PHF24: variants seen among roughly 807,000 people sequenced by gnomAD.
PHF24 encodes PHD finger protein 24.
In PHF24, 25 loss-of-function variants were observed where a neutral mutation model predicts 42.6. That is an observed-to-expected ratio of 0.59 (90% CI 0.43 to 0.82). The LOEUF (loss-of-function observed/expected upper bound fraction) is 0.82, where lower values mean the gene tolerates loss of function less well. Among genes scored for constraint, PHF24 ranks in the 40% least tolerant of loss-of-function variants. PHF24 has a pLI of 0.00. For missense variants in PHF24, 470 were observed against 538.1 expected, an observed-to-expected ratio of 0.87 and a Z score of 1.25; for synonymous variants, 185 against 204.8, an observed-to-expected ratio of 0.90 and a Z score of 0.83.
the PHF24 span, among the ~76,000 whole-genome samples, chr9:34,848,810 T>C: frequency 6.6e-6 from 1 of 152,212 alleles, no homozygotes; most frequent in African/African-American, 2.4e-5. Context: ...GTCTTTGTTC[T>C]CGTTGGTTTC....
the PHF24 span, among the ~76,000 whole-genome samples, chr9:34,737,186 G>T: frequency 6.6e-6 from 1 of 152,064 alleles, no homozygotes; most frequent in Non-Finnish European, 1.5e-5. Flanking sequence ...TATTTATTAG[G>T]CATTCACCTA....
At chr9:34,973,514 A>G (rs1827080036) in intron 3 of PHF24, among the ~76,000 whole-genome samples, 1 of 152,242 alleles carries the variant, frequency 6.6e-6, no homozygotes, top group African/African-American at 2.4e-5. Flanking sequence ...ACACCTGAAT[A>G]GAGTTCAAGT....
chr9:34,805,835 T>C, the PHF24 span, among the ~76,000 whole-genome samples: 1 of 152,234 alleles, frequency 6.6e-6, no homozygotes, highest in African/African-American at 2.4e-5. Flanking sequence ...AAGAGTTTTA[T>C]AGTTTTAGCT....
chr9:34,839,256 G>A, the PHF24 span, among the ~76,000 whole-genome samples: 1 of 152,224 alleles, frequency 6.6e-6, no homozygotes, highest in Non-Finnish European at 1.5e-5. Flanking sequence ...GGAGATGAAT[G>A]CCTGTAGAGA....
At chr9:34,781,729 A>G in the PHF24 span, among the ~76,000 whole-genome samples, 1 of 152,148 alleles carries the variant, frequency 6.6e-6, no homozygotes, top group South Asian at 2.1e-4. Context: ...AGGGAAAAAA[A>G]AAAAAGCATT....
At chr9:34,701,891 AGAGCCCAAGGT>A in the PHF24 span, among the ~76,000 whole-genome samples, 2 of 152,180 alleles carry the variant, frequency 1.3e-5, no homozygotes, top group African/African-American at 4.8e-5. The surrounding 1 kb of genome is among the most constrained non-coding windows in gnomAD (Gnocchi z 5.8). Flanking sequence ...CGATTTACCC[AGAGCCCAAGGT>A]GCCCAATGTT....
chr9:34,970,826 T>A (rs1465497718), intron 1 of PHF24, among the ~76,000 whole-genome samples: 1 of 152,140 alleles, frequency 6.6e-6, no homozygotes, highest in African/African-American at 2.4e-5. Context: ...GCACGTAGAG[T>A]GCTTTCCAGT....
At chr9:34,888,822 G>A in the PHF24 span, among the ~76,000 whole-genome samples, 1 of 152,064 alleles carries the variant, frequency 6.6e-6, no homozygotes, top group Non-Finnish European at 1.5e-5. Flanking sequence ...ACACACCATG[G>A]GACAATAGAA....
the PHF24 span, among the ~76,000 whole-genome samples, chr9:34,946,071 C>T: frequency 6.6e-6 from 1 of 152,126 alleles, no homozygotes; most frequent in Non-Finnish European, 1.5e-5. Flanking sequence ...CTAGGGTTGC[C>T]AGTACTATGC....
At chr9:34,913,454 G>A in the PHF24 span, among the ~76,000 whole-genome samples, 4 of 152,136 alleles carry the variant, frequency 2.6e-5, 1 homozygote, top group Admixed American at 1.3e-4. Flanking sequence ...GATAGAATAC[G>A]TTTCACAGAA....
chr9:34,800,960 A>C, the PHF24 span, among the ~76,000 whole-genome samples: 1 of 152,218 alleles, frequency 6.6e-6, no homozygotes, highest in Admixed American at 6.5e-5. Context: ...AGGAACTTGA[A>C]CAAATTTACA....
the PHF24 span, among the ~76,000 whole-genome samples, chr9:34,946,325 T>G: frequency 6.6e-6 from 1 of 152,242 alleles, no homozygotes; most frequent in Non-Finnish European, 1.5e-5. Context: ...CTTAATGTCT[T>G]GACACCTTCA....
chr9:34,677,554 G>T, the PHF24 span, among the ~76,000 whole-genome samples: 1 of 151,778 alleles, frequency 6.6e-6, no homozygotes, highest in Non-Finnish European at 1.5e-5. Context: ...CCGCCACCAC[G>T]CCTGGCTAAT....
the PHF24 span, among the ~76,000 whole-genome samples, chr9:34,703,462 C>T: frequency 2.6e-5 from 4 of 152,092 alleles, no homozygotes; most frequent in South Asian, 6.2e-4. Flanking sequence ...AGCCACTGCC[C>T]CCAGCCCATT....
At chr9:34,719,850 G>A in the PHF24 span, among the ~76,000 whole-genome samples, 260 of 152,344 alleles carry the variant, frequency 1.7e-3, no homozygotes, top group African/African-American at 6.1e-3. Flanking sequence ...CTTTGGGAAT[G>A]CTTTAGGAAA....
the PHF24 span, among the ~76,000 whole-genome samples, chr9:34,684,883 C>T: frequency 6.6e-6 from 1 of 152,126 alleles, no homozygotes; most frequent in Non-Finnish European, 1.5e-5. Context: ...GGGTGGCTCA[C>T]ATCTTCTGCA....
At chr9:34,935,593 G>GAAA in the PHF24 span, among the ~76,000 whole-genome samples, 11,580 of 122,326 alleles carry the variant, frequency 0.095, 934 homozygotes, top group African/African-American at 0.19. Context: ...GACTTCATCT[G>GAAA]AAAAAAAAAA....
chr9:34,883,333 G>A, the PHF24 span, among the ~76,000 whole-genome samples: 1 of 152,146 alleles, frequency 6.6e-6, no homozygotes, highest in East Asian at 1.9e-4. Flanking sequence ...AACACCAAAA[G>A]CAATAGCAAC....
the PHF24 span, among the ~76,000 whole-genome samples, chr9:34,692,630 A>G: frequency 6.6e-6 from 1 of 152,288 alleles, no homozygotes; most frequent in East Asian, 1.9e-4. Flanking sequence ...CGACAAGGTG[A>G]AAATTCTCCA....
Sources: gnomAD v4.1 joint callset for allele counts (sites outside exome capture counted in the v4.1 genomes callset) on GRCh38, gnomAD v4.1.1 for gene constraint, Gnocchi (gnomAD v3.1) non-coding constraint, MANE v1.5 for transcripts, NCBI Gene and HGNC (gene_info 2026-07-23, HGNC 2026-07-21) for gene names.